PRKAG2: variants seen among roughly 807,000 people sequenced by gnomAD.
The protein encoded by PRKAG2 is 5'-AMP-activated protein kinase subunit gamma-2.
A neutral mutation model predicts 69.6 loss-of-function variants in PRKAG2; 26 were observed. The ratio of observed to expected loss-of-function variants is 0.37; its 90% CI spans 0.27 to 0.52. The LOEUF (loss-of-function observed/expected upper bound fraction) is 0.52. Ranked by LOEUF, PRKAG2 falls within the 20% of genes least tolerant of loss-of-function variation. The pLI is 0.90. For missense variants in PRKAG2, 557 were observed against 740.0 expected (o/e 0.75, Z 2.87); for synonymous variants, 293 against 285.0 (o/e 1.03, Z -0.28).
intron 14 of PRKAG2, among the ~76,000 whole-genome samples, chr7:151,561,864 T>C (rs1376088676): frequency 6.8e-4 from 82 of 121,032 alleles, no homozygotes; most frequent in South Asian, 2.9e-3. Flanking sequence ...ACCTGGGAGG[T>C]GGAGGTTGCA....
chr7:151,830,280 G>A (rs1023123601), intron 1 of PRKAG2, among the ~76,000 whole-genome samples: 2 of 151,854 alleles, frequency 1.3e-5, no homozygotes, highest in Admixed American at 6.6e-5. Flanking sequence ...CACCCTTCCC[G>A]CCACCTGCAC....
rs143414520 is a variant in PRKAG2, at chr7:151,734,674, T to C, written c.466+46478A>G. Among the ~76,000 whole-genome samples, 5 of 152,144 alleles carry C rather than the reference T, an allele frequency of 3.3e-5. No individual in the cohort carries two copies. The East Asian group carries it at 9.7e-4, about 29-fold the overall frequency. ...AAGGGAGCCTCCCATCTCAGCCTCC[T>C]GAGTAGCTGGGACTACAGGCATGTG... On this transcript the variant is annotated intron_variant, in intron 3 of 15. Transcript: ENST00000287878.
chr7:151,617,221 G>A (rs1336834694), intron 5 of PRKAG2, among the ~76,000 whole-genome samples: 1 of 143,330 alleles, frequency 7.0e-6, no homozygotes, highest in Non-Finnish European at 1.5e-5. Flanking sequence ...AGATCACGCT[G>A]TTGCACTCCA....
chr7:151,644,756 C>T (rs1206700547), intron 4 of PRKAG2, among the ~76,000 whole-genome samples: 3 of 152,124 alleles, frequency 2.0e-5, no homozygotes, highest in Non-Finnish European at 4.4e-5. Context: ...GAGAAACCAC[C>T]CATTTCACAG....
intron 3 of PRKAG2, among the ~76,000 whole-genome samples, chr7:151,743,877 G>A (rs1358285537): frequency 2.0e-5 from 3 of 152,218 alleles, no homozygotes; most frequent in Non-Finnish European, 4.4e-5. Context: ...CCAGGGCTGG[G>A]CTGCGGGAGG....
intron 1 of PRKAG2, among the ~76,000 whole-genome samples, chr7:151,845,761 G>C (rs1220316160): frequency 6.6e-6 from 1 of 152,202 alleles, no homozygotes; most frequent in Non-Finnish European, 1.5e-5. Flanking sequence ...CTGCGGGGGC[G>C]GGAAAGGCCC....
At chr7:151,725,403 G>A (rs1300356607) in intron 3 of PRKAG2, among the ~76,000 whole-genome samples, 4 of 152,004 alleles carry the variant, frequency 2.6e-5, no homozygotes, top group African/African-American at 4.8e-5. Context: ...GGGAGTCAGG[G>A]TTGATGGGCC....
intron 4 of PRKAG2, among the ~76,000 whole-genome samples, chr7:151,640,831 T>A (rs1826548646): frequency 6.6e-6 from 1 of 152,250 alleles, no homozygotes; most frequent in Non-Finnish European, 1.5e-5. Context: ...AACGAATGAC[T>A]CATCATCCTT....
At chr7:151,651,206 A>C (rs907115363) in intron 4 of PRKAG2, among the ~76,000 whole-genome samples, 1 of 152,244 alleles carries the variant, frequency 6.6e-6, no homozygotes, top group African/African-American at 2.4e-5. Context: ...ATTGTGTAAC[A>C]AAATGTGTTC....
intron 1 of PRKAG2, among the ~76,000 whole-genome samples, chr7:151,851,591 T>C (rs1377219712): frequency 1.3e-5 from 2 of 152,158 alleles, no homozygotes; most frequent in Non-Finnish European, 2.9e-5. Context: ...TATGCCCCTG[T>C]TCAGCCAAAA....
intron 3 of PRKAG2, among the ~76,000 whole-genome samples, chr7:151,767,901 CA>C (rs1231427411): frequency 1.3e-5 from 2 of 152,226 alleles, no homozygotes; most frequent in African/African-American, 2.4e-5. Flanking sequence ...CAGAGATTCT[CA>C]TTTCTCCACA....
In PRKAG2 at chr7:151,876,603, C is replaced by T; in HGVS notation, c.18G>A (p.Met6Ile). MGSAV[M>I]DTKKKKDVSS... The stretch of plus-strand genomic sequence containing the variant: ...AAACATCTTTTTTCTTCTTGGTGTC[C>T]ATAACCGCGCTTCCCATAACTCTAA... Residue 6 changes from methionine to isoleucine, a missense_variant, in exon 1 of 16, where the codon ATG becomes ATA. Physicochemically the swap from Met to Ile is conservative, Grantham distance 10. Transcript: ENST00000287878. 1 of 1,609,664 alleles carries T rather than the reference C, an allele frequency of 6.2e-7. No individual in the cohort carries two copies. Among genetic ancestry groups the T allele is most frequent in the Non-Finnish European group, 8.5e-7 (1 of 1,179,944 alleles).
chr7:151,616,589 C>T (rs1820195799), intron 5 of PRKAG2, among the ~76,000 whole-genome samples: 1 of 152,226 alleles, frequency 6.6e-6, no homozygotes, highest in Admixed American at 6.5e-5. Flanking sequence ...CCAGGAGACA[C>T]ACCAAACACT....
At position 151,632,720 on chromosome 7, in the gene PRKAG2, AT is replaced by A; in HGVS notation, c.685-583del. The A allele has an allele frequency of 1.9e-6, 1 of 538,054 alleles. No individual in the cohort carries two copies. The highest frequency in any genetic ancestry group is 2.4e-6 in the Non-Finnish European group (1 of 420,862). 33.3% of individuals were successfully genotyped at this position (538,054 alleles called of 1,614,324 possible). ...TCTCGCTTTCCTCTTCCCTTTCCAA[AT>A]TTTAGATGTAACTGCCCATCCTCGG... On this transcript the variant is annotated intron_variant, in intron 4 of 15. Transcript: ENST00000287878. The surrounding 1 kb of genome is among the most constrained non-coding windows in gnomAD (Gnocchi z 4.2).
At chr7:151,846,303 A>T (rs2079431079) in intron 1 of PRKAG2, among the ~76,000 whole-genome samples, 2 of 152,156 alleles carry the variant, frequency 1.3e-5, no homozygotes, top group African/African-American at 4.8e-5. Flanking sequence ...CCCCGTCTCT[A>T]CTAAAAATAC....
At chr7:151,731,900 T>C (rs905712940) in intron 3 of PRKAG2, among the ~76,000 whole-genome samples, 12 of 152,156 alleles carry the variant, frequency 7.9e-5, no homozygotes, top group Non-Finnish European at 1.5e-4. Context: ...TGCAGTGGTA[T>C]AATCTTGGCT....
chr7:151,632,628 C>CGGCG lies in PRKAG2; in HGVS notation c.685-494_685-491dup. 2.0e-6 allele frequency: 2 copies of CGGCG among 984,404 alleles called. No individual in the cohort carries two copies. Among genetic ancestry groups the CGGCG allele is most frequent in the Non-Finnish European group, 2.4e-6 (2 of 829,276 alleles). 61.0% of individuals were successfully genotyped at this position (984,404 alleles called of 1,614,324 possible). ...TCCACCTGCGCAGGTGTGGGCTCCG[C>CGGCG]GGCGCGGGGAGGGGGAGAGGGGCTG... is the stretch of plus-strand genomic sequence containing the variant. On this transcript the variant is annotated intron_variant, in intron 4 of 15. Coordinates refer to ENST00000287878, the MANE Select transcript of PRKAG2 (RefSeq NM_016203.4). The surrounding 1 kb of genome is among the most constrained non-coding windows in gnomAD (Gnocchi z 4.2).
intron 4 of PRKAG2, among the ~76,000 whole-genome samples, chr7:151,637,707 G>GA (rs767488319): frequency 2.8e-5 from 4 of 141,806 alleles, no homozygotes; most frequent in Non-Finnish European, 6.2e-5. Context: ...AAGTCATGAG[G>GA]TTTTTTTTTT....
intron 1 of PRKAG2, among the ~76,000 whole-genome samples, chr7:151,791,936 T>C (rs1012771484): frequency 4.6e-5 from 7 of 152,308 alleles, no homozygotes; most frequent in African/African-American, 7.2e-5. Context: ...TCCCCGACTA[T>C]AGATGAAGAT....
Sources: gnomAD v4.1 joint callset for allele counts (sites outside exome capture counted in the v4.1 genomes callset) on GRCh38, gnomAD v4.1.1 for gene constraint, Gnocchi (gnomAD v3.1) non-coding constraint, MANE v1.5 for transcripts, NCBI Gene and HGNC (gene_info 2026-07-23, HGNC 2026-07-21) for gene names.